The following RBFOX1 variants were observed in gnomAD, a reference collection of about 807,000 sequenced individuals.
RBFOX1 encodes the protein RNA binding protein fox-1 homolog 1.
RBFOX1 carries 8 observed loss-of-function variants against 57.7 expected under a neutral mutation model. The ratio of observed to expected loss-of-function variants is 0.14; its 90% CI spans 0.08 to 0.25. The LOEUF (loss-of-function observed/expected upper bound fraction) is 0.25. Among genes scored for constraint, RBFOX1 ranks in the 10% least tolerant of loss-of-function variants. RBFOX1 has a pLI of 1.00. For missense variants in RBFOX1, 611 were observed against 548.5 expected (o/e 1.11, Z -1.14); for synonymous variants, 326 against 222.4 (o/e 1.47, Z -4.15).
In RBFOX1 at chr16:7,593,302, G is replaced by A. The variant is rs562896811; in HGVS notation, c.469-2247G>A. 1.1e-4 allele frequency among the ~76,000 whole-genome samples: 16 copies of A among 152,208 alleles called. No individual in the cohort carries two copies. The South Asian group carries it at 2.3e-3, about 22-fold the overall frequency. ...TCCTCCCAAGTTCCTTCTGATATGC[G>A]GCTAAGTTTGAGATATACTGGCCAA... On this transcript the variant is annotated intron_variant, in intron 7 of 15. Transcript: ENST00000550418.
chr16:5,809,294 A>C (rs2055338276), intron 3 of RBFOX1, among the ~76,000 whole-genome samples: 1 of 152,208 alleles, frequency 6.6e-6, no homozygotes, highest in Non-Finnish European at 1.5e-5. Flanking sequence ...CACCAAAAGC[A>C]ATGGCAACAA....
chr16:7,286,676 T>A (rs1198459359), intron 4 of RBFOX1, among the ~76,000 whole-genome samples: 2 of 142,998 alleles, frequency 1.4e-5, no homozygotes, highest in Non-Finnish European at 3.0e-5. Context: ...CAGGATGGAG[T>A]GCAGTGGCGA....
intron 4 of RBFOX1, among the ~76,000 whole-genome samples, chr16:7,407,190 G>A (rs1261983533): frequency 2.0e-5 from 3 of 152,144 alleles, no homozygotes; most frequent in Admixed American, 6.5e-5. Context: ...AATCTGATTT[G>A]TAGTCTTTGA....
chr16:7,199,276 C>T (rs544782667), intron 4 of RBFOX1, among the ~76,000 whole-genome samples: 1 of 152,190 alleles, frequency 6.6e-6, no homozygotes, highest in South Asian at 2.1e-4. Context: ...ATAAATACAC[C>T]AAAGTGCCCT....
At chr16:7,582,418 C>T (rs188653306) in intron 6 of RBFOX1, among the ~76,000 whole-genome samples, 3 of 152,310 alleles carry the variant, frequency 2.0e-5, no homozygotes, top group African/African-American at 4.8e-5. Context: ...GACCCCCTTG[C>T]AATGACTTTC....
At position 6,978,804 on chromosome 16, in the gene RBFOX1, T is replaced by C. The variant is rs997370094; in HGVS notation, c.-15-73253T>C. The stretch of plus-strand genomic sequence containing the variant: ...TGGAGTTCATGCTCTGTGGCTACAA[T>C]ACATTGCCTATATCGGGTAACAAAT... On this transcript the variant is annotated intron_variant, in intron 3 of 15. Coordinates refer to ENST00000550418, the MANE Select transcript of RBFOX1 (RefSeq NM_018723.4). Among the ~76,000 whole-genome samples, 4 of 152,220 alleles carry C rather than the reference T, an allele frequency of 2.6e-5. No homozygotes were observed. The East Asian group carries it at 7.7e-4, about 29-fold the overall frequency.
intron 4 of RBFOX1, among the ~76,000 whole-genome samples, chr16:5,883,366 A>G (rs532446020): frequency 7.7e-4 from 117 of 152,298 alleles, no homozygotes; most frequent in African/African-American, 2.7e-3. Context: ...CAAAAATACA[A>G]TCCTATTCCT....
At chr16:7,635,824 T>G (rs1352784447) in intron 11 of RBFOX1, among the ~76,000 whole-genome samples, 1 of 152,182 alleles carries the variant, frequency 6.6e-6, no homozygotes, top group Non-Finnish European at 1.5e-5. Context: ...ATTTTTTTAT[T>G]TTTTGAGATG....
intron 4 of RBFOX1, among the ~76,000 whole-genome samples, chr16:7,340,060 G>T (rs968718242): frequency 6.6e-6 from 1 of 152,186 alleles, no homozygotes; most frequent in Non-Finnish European, 1.5e-5. Context: ...AGATCTTATA[G>T]TCCATGCACA....
intron 3 of RBFOX1, among the ~76,000 whole-genome samples, chr16:6,929,048 A>C (rs1046282979): frequency 2.6e-5 from 4 of 152,100 alleles, no homozygotes; most frequent in Admixed American, 6.6e-5. Flanking sequence ...GCCAGTTAGG[A>C]AGACGCCAGG....
rs570172870 is a variant in RBFOX1 at position 6,854,137 on chromosome 16, C to A, written c.-15-197920C>A. ...ACTCCATTGCTCTGTATTGTAAAAG[C>A]AACTCAAAATATGAGTGTCTGACGT... On this transcript the variant is annotated intron_variant, in intron 3 of 15. Transcript: ENST00000550418. Among the ~76,000 whole-genome samples the A allele has an allele frequency of 2.3e-4, 35 of 152,264 alleles. 1 individual carries two copies. The highest frequency in any genetic ancestry group is 4.6e-4 in the Non-Finnish European group (31 of 68,016).
At chr16:7,193,365 G>T (rs1342355098) in intron 4 of RBFOX1, among the ~76,000 whole-genome samples, 1 of 152,174 alleles carries the variant, frequency 6.6e-6, no homozygotes, top group African/African-American at 2.4e-5. Flanking sequence ...AAAAGAACAT[G>T]CCCCACAAAC....
intron 3 of RBFOX1, among the ~76,000 whole-genome samples, chr16:5,665,927 C>T (rs1306389107): frequency 2.6e-5 from 4 of 152,222 alleles, no homozygotes; most frequent in African/African-American, 7.2e-5. Context: ...GTTGTTGGCA[C>T]GCCTGCGTTG....
chr16:6,612,145 G>A (rs544498904), intron 2 of RBFOX1, among the ~76,000 whole-genome samples: 1 of 152,128 alleles, frequency 6.6e-6, no homozygotes, highest in South Asian at 2.1e-4. Flanking sequence ...GTAAGAATTT[G>A]CTCATCTTTT....
chr16:5,587,221 A>C (rs1019734055), intron 2 of RBFOX1, among the ~76,000 whole-genome samples: 4 of 152,354 alleles, frequency 2.6e-5, no homozygotes, highest in Non-Finnish European at 4.4e-5. Flanking sequence ...CATCTAGAAT[A>C]CATAAAATTC....
chr16:6,557,040 T>TATATACATATATACAC (rs2097110513), intron 2 of RBFOX1, among the ~76,000 whole-genome samples: 1 of 130,336 alleles, frequency 7.7e-6, no homozygotes, highest in African/African-American at 3.6e-5. Context: ...TATACACATA[T>TATATACATATATACAC]ATATACATAT....
intron 2 of RBFOX1, among the ~76,000 whole-genome samples, chr16:5,558,154 G>A (rs1439436522): frequency 2.0e-5 from 3 of 152,122 alleles, no homozygotes; most frequent in African/African-American, 7.2e-5. Context: ...CAATTCTTCC[G>A]GTATGCTGGG....
At chr16:7,039,854 C>T (rs1399577713) in intron 3 of RBFOX1, among the ~76,000 whole-genome samples, 1 of 152,084 alleles carries the variant, frequency 6.6e-6, no homozygotes. Flanking sequence ...AAAGCGACCT[C>T]TCTCTTTTTA....
intron 4 of RBFOX1, among the ~76,000 whole-genome samples, chr16:7,438,595 T>G (rs1404827906): frequency 6.6e-6 from 1 of 152,168 alleles, no homozygotes. Flanking sequence ...CAAACTTGTG[T>G]GCGTGTCTGC....
Sources: gnomAD v4.1 joint callset for allele counts (sites outside exome capture counted in the v4.1 genomes callset) on GRCh38, gnomAD v4.1.1 for gene constraint, MANE v1.5 for transcripts, NCBI Gene and HGNC (gene_info 2026-07-23, HGNC 2026-07-21) for gene names.